The following ST6GALNAC5 variants were observed in gnomAD, a reference collection of about 807,000 sequenced individuals.
The protein encoded by ST6GALNAC5 is alpha-N-acetylgalactosaminide alpha-2,6-sialyltransferase 5.
ST6GALNAC5 carries 27 observed loss-of-function variants against 33.6 expected under a neutral mutation model. The observed-to-expected ratio is 0.80, with a 90% CI of 0.59 to 1.11. ST6GALNAC5 has a LOEUF of 1.11. ST6GALNAC5 is among the 50% of genes least tolerant of loss of function. The pLI, the probability that ST6GALNAC5 is intolerant of heterozygous loss-of-function variation, is 0.00. For synonymous variants in ST6GALNAC5, 194 were observed against 171.2 expected (o/e 1.13, Z -1.04); for missense variants, 428 against 454.0 (o/e 0.94, Z 0.52).
rs144604997 is a variant in ST6GALNAC5 at position 77,063,064 on chromosome 1, G to T, written c.869G>T (p.Arg290Leu). Residue 290 changes from arginine (R) to leucine (L), a missense_variant, in exon 5 of 5, where the codon CGC becomes CTC. Coordinates refer to ENST00000477717, the MANE Select transcript of ST6GALNAC5 (RefSeq NM_030965.3). ...CTMYLSHERG[R>L]KGSHHRFITE... Reference sequence around the variant, plus strand: ...ATGTACCTCTCCCATGAGCGAGGACGCAAGGGCAGTCATCACCGCTTTATC... The same window carrying T: ...ATGTACCTCTCCCATGAGCGAGGACTCAAGGGCAGTCATCACCGCTTTATC... 1.1e-5 allele frequency: 18 copies of T among 1,613,776 alleles called. No homozygotes were observed. Among genetic ancestry groups the T allele is most frequent in the African/African-American group, 1.3e-5 (1 of 74,864 alleles).
intron 2 of ST6GALNAC5, among the ~76,000 whole-genome samples, chr1:76,875,656 A>G (rs563059882): frequency 6.6e-6 from 1 of 152,292 alleles, no homozygotes; most frequent in Non-Finnish European, 1.5e-5. Flanking sequence ...AACAGGAAGC[A>G]AAACTTTTGC....
intron 2 of ST6GALNAC5, among the ~76,000 whole-genome samples, chr1:77,036,057 T>A (rs1278688473): frequency 1.3e-5 from 2 of 152,104 alleles, no homozygotes; most frequent in Admixed American, 1.3e-4. Context: ...TGGACAAAAA[T>A]AATCAAAGTA....
At chr1:76,923,445 C>A (rs1189765259) in intron 2 of ST6GALNAC5, among the ~76,000 whole-genome samples, 2 of 152,048 alleles carry the variant, frequency 1.3e-5, no homozygotes, top group South Asian at 4.1e-4. Context: ...GTAATTCCAG[C>A]ACTTTGGGAG....
At chr1:76,908,218 A>C (rs1288384679) in intron 2 of ST6GALNAC5, among the ~76,000 whole-genome samples, 2 of 152,078 alleles carry the variant, frequency 1.3e-5, no homozygotes, top group African/African-American at 2.4e-5. Flanking sequence ...AAACAATAGA[A>C]ATGTATGTCT....
At chr1:76,976,251 A>T (rs1649006678) in intron 2 of ST6GALNAC5, among the ~76,000 whole-genome samples, 1 of 152,130 alleles carries the variant, frequency 6.6e-6, no homozygotes, top group South Asian at 2.1e-4. Flanking sequence ...TAATTCATGG[A>T]GTTTTACATT....
chr1:76,874,715 G>A (rs952345792), intron 2 of ST6GALNAC5, among the ~76,000 whole-genome samples: 3 of 152,044 alleles, frequency 2.0e-5, no homozygotes, highest in Admixed American at 6.5e-5. Context: ...CTTCCCCAGC[G>A]CACTGACTCA....
Position 77,066,860 on chromosome 1 carries a change from G to A in ST6GALNAC5, c.*3654G>A, listed in dbSNP as rs940947113. 6.6e-6 allele frequency among the ~76,000 whole-genome samples: 1 copy of A among 152,168 alleles called. No homozygotes were observed. The highest frequency in any genetic ancestry group is 1.5e-5 in the Non-Finnish European group (1 of 68,042). The stretch of plus-strand genomic sequence containing the variant: ...TCTACAGTGTGCTCCTAAACCAGCA[G>A]TCTTTGGTGCTGTTAAGGTCTTCCT... On this transcript the variant is annotated 3_prime_UTR_variant, in exon 5 of 5. Coordinates refer to ENST00000477717, the MANE Select transcript of ST6GALNAC5 (RefSeq NM_030965.3).
intron 2 of ST6GALNAC5, among the ~76,000 whole-genome samples, chr1:77,003,842 G>C (rs1175974792): frequency 6.8e-6 from 1 of 147,550 alleles, no homozygotes; most frequent in Admixed American, 6.8e-5. Flanking sequence ...TGGCTTGTAG[G>C]GTTTCTGCCG....
At chr1:76,963,752 T>G (rs1174125565) in intron 2 of ST6GALNAC5, among the ~76,000 whole-genome samples, 1 of 152,206 alleles carries the variant, frequency 6.6e-6, no homozygotes, top group Non-Finnish European at 1.5e-5. Context: ...AACCTTTAAA[T>G]GTGTTACCTT....
rs1395113226 is a variant in ST6GALNAC5, at chr1:77,004,879, C to G, written c.262-39325C>G. On this transcript the variant is annotated intron_variant, in intron 2 of 4. Transcript: ENST00000477717. ...GATCTCCAGCTGCGTGCTGGGAGAACCACTGCTCTCTTCAAAGCTGTCAGA... is the reference window on the plus strand; with the variant it reads ...GATCTCCAGCTGCGTGCTGGGAGAAGCACTGCTCTCTTCAAAGCTGTCAGA... Among the ~76,000 whole-genome samples, 78 of 138,004 alleles carry G rather than the reference C, an allele frequency of 5.7e-4. 6 individuals carry two copies. Among genetic ancestry groups the G allele is most frequent in the Non-Finnish European group, 3.3e-5 (2 of 60,976 alleles). 90.5% of individuals were successfully genotyped at this position (138,004 alleles called of 152,430 possible).
chr1:76,905,181 G>A (rs1055551339), intron 2 of ST6GALNAC5, among the ~76,000 whole-genome samples: 1 of 152,168 alleles, frequency 6.6e-6, no homozygotes, highest in Non-Finnish European at 1.5e-5. Context: ...AGAGCACATC[G>A]TGTTTATTTC....
At chr1:76,912,256 G>A (rs1646921956) in intron 2 of ST6GALNAC5, among the ~76,000 whole-genome samples, 1 of 152,104 alleles carries the variant, frequency 6.6e-6, no homozygotes, top group South Asian at 2.1e-4. Context: ...TCTTAATCCT[G>A]AGTTCTAGTT....
rs550072311 is a variant in ST6GALNAC5, at chr1:76,897,526, C to T, written c.261+28784C>T. ...TGTGGGATGGGATATTGGCATTAAT[C>T]GGGGTAAAGGTGGTTAGGTTTTAAT... On this transcript the variant is annotated intron_variant, in intron 2 of 4. Coordinates refer to ENST00000477717, the MANE Select transcript of ST6GALNAC5 (RefSeq NM_030965.3). 7.2e-5 allele frequency among the ~76,000 whole-genome samples: 11 copies of T among 152,092 alleles called. No individual in the cohort carries two copies. In the South Asian group the frequency reaches 1.2e-3, roughly 17 times the overall value.
intron 2 of ST6GALNAC5, among the ~76,000 whole-genome samples, chr1:77,007,878 T>G (rs1399060040): frequency 6.6e-6 from 1 of 152,226 alleles, no homozygotes; most frequent in Non-Finnish European, 1.5e-5. Flanking sequence ...TGGCTAAGAC[T>G]TTTGGCCCCA....
chr1:76,905,574 A>G (rs551046892), intron 2 of ST6GALNAC5, among the ~76,000 whole-genome samples: 1 of 152,326 alleles, frequency 6.6e-6, no homozygotes, highest in East Asian at 1.9e-4. Context: ...ATTTTTAACT[A>G]TCAGGACACT....
chr1:76,899,558 C>T (rs1322053951), intron 2 of ST6GALNAC5, among the ~76,000 whole-genome samples: 4 of 152,146 alleles, frequency 2.6e-5, no homozygotes, highest in African/African-American at 4.8e-5. Context: ...GGCGTCCCTG[C>T]GTGGTCTGAC....
chr1:76,989,788 T>G (rs958275835), intron 2 of ST6GALNAC5, among the ~76,000 whole-genome samples: 4 of 152,146 alleles, frequency 2.6e-5, no homozygotes, highest in African/African-American at 9.7e-5. Context: ...AAATTCATTA[T>G]AGTCCCATTA....
intron 2 of ST6GALNAC5, among the ~76,000 whole-genome samples, chr1:76,991,961 T>A (rs1161785002): frequency 6.6e-6 from 1 of 152,210 alleles, no homozygotes; most frequent in Admixed American, 6.5e-5. Flanking sequence ...ATGAATGGAA[T>A]GTTTTTTTGG....
chr1:76,913,097 C>T (rs1279764179), intron 2 of ST6GALNAC5, among the ~76,000 whole-genome samples: 2 of 152,002 alleles, frequency 1.3e-5, no homozygotes, highest in Non-Finnish European at 2.9e-5. Context: ...TTCAGGAGCT[C>T]TTTTAGGGCA....
Sources: allele counts gnomAD v4.1 joint callset (sites outside exome capture counted in the v4.1 genomes callset), GRCh38; gene constraint gnomAD v4.1.1; transcripts MANE v1.5; gene names NCBI Gene and HGNC (gene_info 2026-07-23, HGNC 2026-07-21).